The following MYH9 variants were observed in gnomAD, a reference collection of about 807,000 sequenced individuals.
The protein encoded by MYH9 is myosin-9.
A neutral mutation model predicts 241.9 loss-of-function variants in MYH9; 29 were observed. The ratio of observed to expected loss-of-function variants is 0.12; its 90% CI spans 0.09 to 0.16. The LOEUF (loss-of-function observed/expected upper bound fraction) is 0.16. Ranked by LOEUF, MYH9 falls within the 10% of genes least tolerant of loss-of-function variation. The pLI is 1.00. For missense variants in MYH9, 1,803 were observed against 2,595.5 expected (o/e 0.69, Z 6.63); for synonymous variants, 1,047 against 1,062.6 (o/e 0.99, Z 0.29).
Position 36,295,024 on chromosome 22 carries a change from C to A in MYH9, c.3538G>T (p.Ala1180Ser), listed in dbSNP as rs1287737856. 1 of 1,614,058 alleles carries A rather than the reference C, an allele frequency of 6.2e-7. No homozygotes were observed. Among genetic ancestry groups the A allele is most frequent in the East Asian group, 2.2e-5 (1 of 44,880 alleles). ...NILKKTLEEE[A>S]KTHEAQIQEM... ...TGGATCTGGGCCTCGTGGGTCTTGG[C>A]CTCCTCCTCCAGGGTCTTCTTCAGG... The change falls in exon 27 of 41, where the codon GCC becomes TCC. Residue 1180 changes from alanine to serine, a missense_variant. Transcript: ENST00000216181. This position sits in a 1 kb window ranked among gnomAD's most constrained non-coding sequence, Gnocchi z 4.1.
rs756586731 is a variant in MYH9 at position 36,305,045 on chromosome 22, C to G, written c.2217G>C (p.Ala739=). The change falls in exon 18 of 41, where the codon GCG becomes GCC. Residue 739 remains alanine, a synonymous_variant. Coordinates refer to ENST00000216181, the MANE Select transcript of MYH9 (RefSeq NM_002473.6). This position sits in a 1 kb window ranked among gnomAD's most constrained non-coding sequence, Gnocchi z 4.7. ...CAGCTCAACTCACCATGAGCACGCA[C>G]GCCTGCTTCCCGTCCATGAAACCCT... ...IPKGFMDGKQ[A]CVLMIKALEL... is the part of the protein sequence containing the mutation. The G allele has an allele frequency of 3.8e-5, 61 of 1,613,994 alleles. 2 individuals carry two copies. The South Asian group carries it at 6.7e-4, about 18-fold the overall frequency.
At chr22:36,298,134 G>A (rs2016817040) in intron 24 of MYH9, among the ~76,000 whole-genome samples, 1 of 152,104 alleles carries the variant, frequency 6.6e-6, no homozygotes, top group African/African-American at 2.4e-5. Flanking sequence ...GATGTGAGGG[G>A]GCCGGACAAG....
In MYH9 at chr22:36,293,186, G is replaced by T; in HGVS notation, c.4095+143C>A. 1 of 962,990 alleles carries T rather than the reference G, an allele frequency of 1.0e-6. No individual in the cohort carries two copies. The highest frequency in any genetic ancestry group is 1.6e-6 in the Non-Finnish European group (1 of 636,492). The allele number at this position is 962,990 out of a possible 1,614,324, so 59.7% of individuals were successfully genotyped here. ...GATTCCTTTCCTTGAGAGCACTGAT[G>T]TGGGAGAGCACGGTTGGCTTCCCAG... On this transcript the variant is annotated intron_variant, in intron 30 of 40. Coordinates refer to ENST00000216181, the MANE Select transcript of MYH9 (RefSeq NM_002473.6). This position sits in a 1 kb window ranked among gnomAD's most constrained non-coding sequence, Gnocchi z 5.1.
chr22:36,327,339 G>C, intron 4 of MYH9, 122 bp downstream of exon 4: 1 of 1,119,664 alleles, frequency 8.9e-7, no homozygotes, highest in Non-Finnish European at 1.3e-6. Flanking sequence ...AGAAGTGGAG[G>C]AGGGGCCTTG....
At chr22:36,310,071 A>G (rs5750249) in intron 14 of MYH9, among the ~76,000 whole-genome samples, 78,849 of 150,802 alleles carry the variant, frequency 0.52, 23,099 homozygotes, top group Non-Finnish European at 0.67. Context: ...CCAACATGGC[A>G]AAACCCCATC....
intron 15 of MYH9, among the ~76,000 whole-genome samples, chr22:36,307,646 G>A (rs1273593743): frequency 6.6e-6 from 1 of 152,224 alleles, no homozygotes; most frequent in African/African-American, 2.4e-5. Flanking sequence ...CCAGCACTTT[G>A]GGAGGCTGAG....
intron 19 of MYH9, among the ~76,000 whole-genome samples, chr22:36,303,280 C>G (rs753101268): frequency 1.3e-5 from 2 of 151,980 alleles, no homozygotes; most frequent in Non-Finnish European, 2.9e-5. Flanking sequence ...AGCAGGGGAG[C>G]CGTCATTCCC....
intron 1 of MYH9, among the ~76,000 whole-genome samples, chr22:36,357,013 C>A (rs2017866966): frequency 6.6e-6 from 1 of 152,380 alleles, no homozygotes; most frequent in East Asian, 1.9e-4. Context: ...GCCTTCCCTG[C>A]CTTGCAGGGC....
chr22:36,304,179 T>G (rs1473492382), intron 18 of MYH9, 24 bp from the exon 19 acceptor site: 3 of 1,612,824 alleles, frequency 1.9e-6, no homozygotes, highest in South Asian at 2.2e-5. Flanking sequence ...GCAGGCCGTT[T>G]ACCTGGCCAG....
chr22:36,294,208 C>T lies in MYH9; in HGVS notation c.3721G>A (p.Gly1241Arg). The T allele has an allele frequency of 6.2e-7, 1 of 1,614,108 alleles. No individual in the cohort carries two copies. The highest frequency in any genetic ancestry group is 8.5e-7 in the Non-Finnish European group (1 of 1,180,038). ...TTCTTGCGCTTGTGCTCCGAGTCCC[C>T]TTTGCCCTGCAGCAGCACCTTCACC... ...NEVKVLLQGKGDSEHKRKKVE... is the reference protein window; with the variant it reads ...NEVKVLLQGKRDSEHKRKKVE... The change falls in exon 28 of 41, where the codon GGG becomes AGG. Residue 1241 changes from glycine to arginine, a missense_variant. Coordinates refer to ENST00000216181, the MANE Select transcript of MYH9 (RefSeq NM_002473.6).
chr22:36,359,763 G>A (rs1009403518), intron 1 of MYH9, among the ~76,000 whole-genome samples: 1 of 152,166 alleles, frequency 6.6e-6, no homozygotes, highest in Admixed American at 6.5e-5. Context: ...TGCCCTCCTG[G>A]AATGCTACGC....
intron 1 of MYH9, among the ~76,000 whole-genome samples, chr22:36,387,258 C>T (rs1569537497): frequency 6.6e-6 from 1 of 152,206 alleles, no homozygotes; most frequent in African/African-American, 2.4e-5. Flanking sequence ...AGGTCTGCAG[C>T]GGGACGGTCC....
intron 1 of MYH9, among the ~76,000 whole-genome samples, chr22:36,366,394 C>G (rs1043202097): frequency 1.3e-5 from 2 of 151,844 alleles, no homozygotes; most frequent in African/African-American, 4.8e-5. Flanking sequence ...GGTGGGGGGT[C>G]GGGGGGAGTG....
intron 14 of MYH9, among the ~76,000 whole-genome samples, chr22:36,310,298 G>T (rs2017041557): frequency 6.6e-6 from 1 of 152,076 alleles, no homozygotes; most frequent in South Asian, 2.1e-4. Context: ...TAGAGATAGG[G>T]TCTCACTATG....
chr22:36,299,100 GC>G (rs1388459491), intron 23 of MYH9, 58 bp from the exon 24 acceptor site: 163 of 1,610,446 alleles, frequency 1.0e-4, no homozygotes, highest in Non-Finnish European at 1.3e-4. Flanking sequence ...ACACTTGCTA[GC>G]CTCAAAGCAT....
At chr22:36,303,890 A>AGG (rs2146346456) in intron 19 of MYH9, 105 bp downstream of exon 19, 1 of 1,362,772 alleles carries the variant, frequency 7.3e-7, no homozygotes, top group East Asian at 2.5e-5. Flanking sequence ...CCTCCCTGAC[A>AGG]GGCATGTGAC....
intron 24 of MYH9, among the ~76,000 whole-genome samples, chr22:36,297,653 A>T (rs1282052244): frequency 1.3e-5 from 2 of 152,210 alleles, no homozygotes; most frequent in Non-Finnish European, 2.9e-5. Context: ...ATAGATGTGT[A>T]AGGACATTTG....
At chr22:36,360,093 G>A (rs973477236) in intron 1 of MYH9, among the ~76,000 whole-genome samples, 2 of 95,006 alleles carry the variant, frequency 2.1e-5, no homozygotes, top group African/African-American at 6.4e-5. Flanking sequence ...CAGAAGAGTT[G>A]TAGCTCAAGC....
intron 19 of MYH9, among the ~76,000 whole-genome samples, chr22:36,303,753 C>T (rs1267818832): frequency 2.7e-5 from 4 of 149,392 alleles, no homozygotes; most frequent in African/African-American, 9.9e-5. Flanking sequence ...CCACAGCACT[C>T]CAGCCTGGGC....
Sources: allele counts gnomAD v4.1 joint callset (sites outside exome capture counted in the v4.1 genomes callset), GRCh38; gene constraint gnomAD v4.1.1; non-coding constraint Gnocchi (gnomAD v3.1); transcripts MANE v1.5; gene names NCBI Gene and HGNC (gene_info 2026-07-23, HGNC 2026-07-21).